Variants in ATP10A observed in about 807,000 individuals in gnomAD.
ATP10A encodes ATPase phospholipid transporting 10A (putative), also known as phospholipid-transporting ATPase VA.
ATP10A carries 111 observed loss-of-function variants against 147.8 expected under a neutral mutation model. That is an observed-to-expected ratio of 0.75 (90% CI 0.64 to 0.88). The LOEUF is 0.88. Ranked by LOEUF, ATP10A falls within the 40% of genes least tolerant of loss-of-function variation. The probability of loss-of-function intolerance (pLI) is 0.00; values close to 1 mark genes in which losing one functional copy is unlikely to be tolerated. For missense variants in ATP10A, 1,927 were observed against 1,959.0 expected (o/e 0.98, Z 0.31); for synonymous variants, 875 against 841.6 (o/e 1.04, Z -0.69).
intron 1 of ATP10A, among the ~76,000 whole-genome samples, chr15:25,849,245 C>T (rs1001560729): frequency 1.3e-5 from 2 of 152,048 alleles, no homozygotes; most frequent in Non-Finnish European, 2.9e-5. Context: ...AGGGTGTGGA[C>T]GTTGGATTGG....
intron 7 of ATP10A, among the ~76,000 whole-genome samples, chr15:25,719,574 A>G (rs1479062458): frequency 8.1e-5 from 3 of 36,982 alleles, no homozygotes; most frequent in Non-Finnish European, 1.6e-4. Context: ...ACCCTCCCCC[A>G]GCAGTGGTCC....
At position 25,818,023 on chromosome 15, in the gene ATP10A, T is replaced by C. The variant is rs554820959; in HGVS notation, c.450-36800A>G. Among the ~76,000 whole-genome samples the C allele has an allele frequency of 2.6e-5, 4 of 152,206 alleles. No homozygotes were observed. In the East Asian group the frequency reaches 7.7e-4, roughly 29 times the overall value. The stretch of plus-strand genomic sequence containing the variant: ...AGTGGGTTATCAGAACTTATTAACA[T>C]TGCTGTCACTATACAATCCCCCCAC... On this transcript the variant is annotated intron_variant, in intron 1 of 20. Transcript: ENST00000555815.
rs1902241887 is a variant in ATP10A at position 25,721,696 on chromosome 15, A to C, written c.1324T>G (p.Cys442Gly). ...LTENKMVFRR[C>G]TVSGVEYSHD... ...GAATATTCTACACCAGACACAGTGC[A>C]TCTTCGGAAAACCATCTTATTCTCT... is the stretch of plus-strand genomic sequence containing the variant. Residue 442 changes from cysteine (C) to glycine (G), a missense_variant, in exon 7 of 21, where the codon TGC becomes GGC. Physicochemically the swap from Cys to Gly is radical, Grantham distance 159. Transcript: ENST00000555815. 1 of 1,614,124 alleles carries C rather than the reference A, an allele frequency of 6.2e-7. No homozygotes were observed. The highest frequency in any genetic ancestry group is 8.5e-7 in the Non-Finnish European group (1 of 1,180,024).
chr15:25,853,212 A>G (rs1394839827), intron 1 of ATP10A, among the ~76,000 whole-genome samples: 2 of 152,220 alleles, frequency 1.3e-5, no homozygotes, highest in Admixed American at 6.5e-5. Context: ...AGAGTCTTCT[A>G]AAAAAGCAGA....
At chr15:25,856,414 C>T (rs1373106835) in intron 1 of ATP10A, among the ~76,000 whole-genome samples, 6 of 152,168 alleles carry the variant, frequency 3.9e-5, no homozygotes, top group Non-Finnish European at 7.4e-5. Flanking sequence ...GTCAATTAAA[C>T]CTGTTTTCTT....
rs367572669 is a variant in ATP10A, at chr15:25,819,842, A to G, written c.450-38619T>C. The stretch of plus-strand genomic sequence containing the variant: ...TAAGAAACAGAAAGTCAGATACCAC[A>G]TATTCTCACTTATCAGTGGGAGCTA... On this transcript the variant is annotated intron_variant, in intron 1 of 20. Transcript: ENST00000555815. Among the ~76,000 whole-genome samples the G allele has an allele frequency of 1.6e-4, 24 of 152,356 alleles. No individual in the cohort carries two copies. The East Asian group carries it at 3.7e-3, about 23-fold the overall frequency.
intron 1 of ATP10A, among the ~76,000 whole-genome samples, chr15:25,858,723 G>C (rs1893625140): frequency 6.6e-6 from 1 of 152,102 alleles, no homozygotes; most frequent in Admixed American, 6.6e-5. Context: ...GAAAGACACT[G>C]AGATGCTGCC....
chr15:25,833,858 G>A (rs911773649), intron 1 of ATP10A, among the ~76,000 whole-genome samples: 1 of 152,104 alleles, frequency 6.6e-6, no homozygotes, highest in Non-Finnish European at 1.5e-5. Context: ...TGTGGTCCCA[G>A]CTACTTGGGA....
At chr15:25,741,848 G>A (rs1004078058) in intron 2 of ATP10A, among the ~76,000 whole-genome samples, 9 of 152,066 alleles carry the variant, frequency 5.9e-5, no homozygotes, top group Non-Finnish European at 8.8e-5. Flanking sequence ...GTTATTTATT[G>A]AAAAAATAAA....
At chr15:25,831,906 T>C (rs1359403986) in intron 1 of ATP10A, among the ~76,000 whole-genome samples, 1 of 152,176 alleles carries the variant, frequency 6.6e-6, no homozygotes, top group African/African-American at 2.4e-5. Flanking sequence ...GTTGAATGAA[T>C]AGTGTCCCCC....
intron 1 of ATP10A, among the ~76,000 whole-genome samples, chr15:25,782,650 C>A (rs1004003376): frequency 3.3e-5 from 5 of 152,124 alleles, no homozygotes; most frequent in Non-Finnish European, 5.9e-5. Flanking sequence ...GCCTGCAGAA[C>A]CTACGAGTCA....
intron 2 of ATP10A, among the ~76,000 whole-genome samples, chr15:25,757,924 CCGA>C (rs1888523085): frequency 4.9e-5 from 1 of 20,494 alleles, no homozygotes; most frequent in African/African-American, 1.4e-4. Context: ...CTAACTCATT[CCGA>C]CCACCTGCTC....
chr15:25,781,293 G>T (rs1256986009), intron 1 of ATP10A, 70 bp from the exon 2 acceptor site: 2 of 1,319,356 alleles, frequency 1.5e-6, no homozygotes, highest in African/African-American at 2.9e-5. Flanking sequence ...TGATGGGCAC[G>T]TGGGGCTCAT....
intron 1 of ATP10A, among the ~76,000 whole-genome samples, chr15:25,824,170 A>G (rs1361771638): frequency 6.6e-6 from 1 of 152,172 alleles, no homozygotes; most frequent in East Asian, 1.9e-4. Context: ...TTCACTAAAC[A>G]TAGTAATTGA....
intron 3 of ATP10A, among the ~76,000 whole-genome samples, chr15:25,734,153 G>A (rs972724893): frequency 6.6e-6 from 1 of 152,084 alleles, no homozygotes; most frequent in Non-Finnish European, 1.5e-5. Context: ...TGCTCCTCCC[G>A]TCTCCTGCAC....
At chr15:25,732,819 T>C (rs1887023094) in intron 3 of ATP10A, among the ~76,000 whole-genome samples, 2 of 151,936 alleles carry the variant, frequency 1.3e-5, no homozygotes, top group Non-Finnish European at 2.9e-5. Flanking sequence ...CCTCCCAAAG[T>C]GCTGGGATTA....
At chr15:25,845,834 C>T (rs1371190104) in intron 1 of ATP10A, among the ~76,000 whole-genome samples, 1 of 152,230 alleles carries the variant, frequency 6.6e-6, no homozygotes, top group African/African-American at 2.4e-5. Context: ...AAAGGCAAGA[C>T]ACTCAAACAG....
chr15:25,724,297 G>A (rs1032138771), intron 5 of ATP10A, among the ~76,000 whole-genome samples: 9 of 152,200 alleles, frequency 5.9e-5, no homozygotes, highest in African/African-American at 9.7e-5. Context: ...AGCTACCCGC[G>A]TGTTGGCAGC....
At chr15:25,788,466 C>T (rs960481588) in intron 1 of ATP10A, among the ~76,000 whole-genome samples, 9 of 152,236 alleles carry the variant, frequency 5.9e-5, no homozygotes, top group Admixed American at 2.0e-4. Flanking sequence ...ACCCGCTTCA[C>T]GCTCTTCTGG....
Sources: allele counts gnomAD v4.1 joint callset (sites outside exome capture counted in the v4.1 genomes callset), GRCh38; gene constraint gnomAD v4.1.1; transcripts MANE v1.5; gene names NCBI Gene and HGNC (gene_info 2026-07-23, HGNC 2026-07-21).